The following TDRD3 variants were observed in gnomAD, a reference collection of about 807,000 sequenced individuals.
TDRD3 encodes the protein tudor domain containing 3.
Under a neutral mutation model 86.7 loss-of-function variants are expected in TDRD3, and 45 were observed. The ratio of observed to expected loss-of-function variants is 0.52; its 90% confidence interval spans 0.41 to 0.67. TDRD3 has a LOEUF of 0.67. Ranked by LOEUF, TDRD3 falls within the 30% of genes least tolerant of loss-of-function variation. The pLI, the probability that TDRD3 is intolerant of heterozygous loss-of-function variation, is 0.00. For synonymous variants in TDRD3, 298 were observed against 301.7 expected (o/e 0.99, Z 0.13); for missense variants, 814 against 889.0 (o/e 0.92, Z 1.07).
At chr13:60,513,323 T>C (rs1052138835) in intron 10 of TDRD3, among the ~76,000 whole-genome samples, 2 of 152,224 alleles carry the variant, frequency 1.3e-5, no homozygotes, top group African/African-American at 4.8e-5. Context: ...TCCTGGCTTG[T>C]GATGGGAGGG....
Position 60,397,293 on chromosome 13 carries a change from G to C in TDRD3, c.-72G>C. The C allele has an allele frequency of 1.2e-6, 1 of 804,486 alleles. No individual in the cohort carries two copies. The highest frequency in any genetic ancestry group is 1.8e-6 in the Non-Finnish European group (1 of 551,868). The allele number at this position is 804,486 out of a possible 1,614,324, so 49.8% of individuals were successfully genotyped here. A position where few individuals can be genotyped will look rare whatever the true frequency, so the allele number is the denominator to read the frequency against. On this transcript the variant is annotated 5_prime_UTR_variant, in exon 1 of 14. Transcript: ENST00000377881. ...TTTTCTTTTTTTTTTTTTAAGGGGG[G>C]GGGTCTCAAGTAGGAGGCCTCCCCA...
intron 10 of TDRD3, among the ~76,000 whole-genome samples, chr13:60,512,907 G>T (rs528664481): frequency 3.3e-5 from 5 of 152,266 alleles, no homozygotes; most frequent in Admixed American, 3.3e-4. Flanking sequence ...GGAGGATGGT[G>T]GCCCTCTTCT....
chr13:60,467,589 A>G (rs1032040504), intron 5 of TDRD3, among the ~76,000 whole-genome samples: 4 of 152,194 alleles, frequency 2.6e-5, no homozygotes, highest in African/African-American at 9.6e-5. Context: ...TTTATTACTT[A>G]TGTTTAAACA....
chr13:60,397,195 A>C, upstream of TDRD3: 2 of 412,414 alleles, frequency 4.8e-6, no homozygotes, highest in Non-Finnish European at 8.5e-6. Context: ...GGCGAGCGGA[A>C]CCCGCACGCG....
At chr13:60,484,757 G>C in intron 6 of TDRD3, 1 of 447,388 alleles carries the variant, frequency 2.2e-6, no homozygotes, top group Non-Finnish European at 4.5e-6. Context: ...CCATGTTGAT[G>C]GTTGGTATTC....
At chr13:60,416,044 C>T (rs1360432107) in intron 1 of TDRD3, among the ~76,000 whole-genome samples, 1 of 152,090 alleles carries the variant, frequency 6.6e-6, no homozygotes, top group South Asian at 2.1e-4. Flanking sequence ...TTTTAAAATA[C>T]CCTTTGCTTA....
At chr13:60,542,006 C>T (rs371288395) in intron 12 of TDRD3, among the ~76,000 whole-genome samples, 8 of 151,930 alleles carry the variant, frequency 5.3e-5, no homozygotes, top group African/African-American at 1.5e-4. Flanking sequence ...GGATTACAGT[C>T]GTGAGCCACC....
chr13:60,407,548 G>A (rs1275810596), intron 1 of TDRD3, among the ~76,000 whole-genome samples: 1 of 152,128 alleles, frequency 6.6e-6, no homozygotes, highest in East Asian at 1.9e-4. Context: ...CAACTGTTAA[G>A]AGATATAACT....
At chr13:60,476,601 T>A (rs371325365) in intron 5 of TDRD3, among the ~76,000 whole-genome samples, 7 of 152,204 alleles carry the variant, frequency 4.6e-5, no homozygotes, top group African/African-American at 1.7e-4. Flanking sequence ...AAGAATAACA[T>A]TGATAGTTTG....
intron 1 of TDRD3, among the ~76,000 whole-genome samples, chr13:60,408,625 T>C (rs1464709371): frequency 6.6e-6 from 1 of 152,160 alleles, no homozygotes; most frequent in Non-Finnish European, 1.5e-5. Context: ...CCCTAGAGAT[T>C]TGTGGAACTT....
chr13:60,533,516 C>T (rs1157033385), intron 11 of TDRD3, among the ~76,000 whole-genome samples: 5 of 151,966 alleles, frequency 3.3e-5, no homozygotes, highest in African/African-American at 1.2e-4. Context: ...TAGCACGTGC[C>T]TGTAATCCCA....
chr13:60,500,790 A>T (rs1424692747), intron 8 of TDRD3, among the ~76,000 whole-genome samples: 1 of 152,206 alleles, frequency 6.6e-6, no homozygotes, highest in Non-Finnish European at 1.5e-5. Context: ...GTGGTCAAAA[A>T]CTGTGAAGAT....
At chr13:60,480,118 T>C (rs1956278769) in intron 5 of TDRD3, among the ~76,000 whole-genome samples, 1 of 152,230 alleles carries the variant, frequency 6.6e-6, no homozygotes, top group Non-Finnish European at 1.5e-5. Flanking sequence ...GTGTGCTTTG[T>C]GATGACAGGT....
chr13:60,511,598 C>G (rs1957061546), intron 10 of TDRD3, among the ~76,000 whole-genome samples: 1 of 152,170 alleles, frequency 6.6e-6, no homozygotes, highest in Non-Finnish European at 1.5e-5. Flanking sequence ...TTCTTTGTGT[C>G]AGGAGTCTAG....
Position 60,529,192 on chromosome 13 carries a change from T to A in TDRD3, c.1967T>A (p.Phe656Tyr), listed in dbSNP as rs888653441. The change falls in exon 11 of 14, where the codon TTT becomes TAT. Residue 656 changes from phenylalanine to tyrosine, a missense_variant. Transcript: ENST00000377881. ...AKMWKPGDEC[F>Y]ALYWEDNKFY... is the part of the protein sequence containing the mutation. ...ATGTGGAAACCTGGAGATGAATGTT[T>A]TGCACTTTATTGGGAAGACAACAAG... The A allele has an allele frequency of 6.2e-7, 1 of 1,602,992 alleles. No homozygotes were observed. Among genetic ancestry groups the A allele is most frequent in the Non-Finnish European group, 8.5e-7 (1 of 1,175,608 alleles).
chr13:60,537,606 T>G (rs1212586092), intron 12 of TDRD3: 1 of 151,978 alleles, frequency 6.6e-6, no homozygotes, highest in Non-Finnish European at 1.5e-5. Flanking sequence ...AACAAAACAT[T>G]CACTGTACCA....
chr13:60,499,468 G>A (rs1421189887), intron 8 of TDRD3, among the ~76,000 whole-genome samples: 1 of 152,316 alleles, frequency 6.6e-6, no homozygotes, highest in African/African-American at 2.4e-5. Context: ...TACCTTTACT[G>A]TCCTTCCTCA....
chr13:60,429,265 G>A (rs568674320), intron 1 of TDRD3, among the ~76,000 whole-genome samples: 4 of 152,038 alleles, frequency 2.6e-5, no homozygotes, highest in East Asian at 3.9e-4. Flanking sequence ...ACAGGGAATC[G>A]TTATGCTATT....
intron 12 of TDRD3, among the ~76,000 whole-genome samples, chr13:60,565,037 G>GT (rs1169849233): frequency 8.4e-6 from 1 of 118,448 alleles, no homozygotes; most frequent in African/African-American, 3.6e-5. Context: ...CAAACTATCA[G>GT]TATCTTTTTT....
Sources: gnomAD v4.1 joint callset for allele counts (sites outside exome capture counted in the v4.1 genomes callset) on GRCh38, gnomAD v4.1.1 for gene constraint, MANE v1.5 for transcripts, NCBI Gene and HGNC (gene_info 2026-07-23, HGNC 2026-07-21) for gene names.